PEAR1: variants seen among roughly 807,000 people sequenced by gnomAD.
PEAR1 encodes the protein multiple EGF-like domains protein 12.
In PEAR1, 113 loss-of-function variants were observed where a neutral mutation model predicts 131.2. The observed-to-expected ratio is 0.86, with a 90% CI of 0.74 to 1.01. PEAR1 has a LOEUF of 1.01. Ranked by LOEUF, PEAR1 falls within the 50% of genes least tolerant of loss-of-function variation. The pLI is 0.00. For missense variants in PEAR1, 1,408 were observed against 1,391.1 expected, an observed-to-expected ratio of 1.01 and a Z score of -0.19; for synonymous variants, 565 against 523.3, an observed-to-expected ratio of 1.08 and a Z score of -1.09.
At chr1:156,899,060 G>A (rs1266998188) in intron 1 of PEAR1, among the ~76,000 whole-genome samples, 1 of 152,210 alleles carries the variant, frequency 6.6e-6, no homozygotes, top group Non-Finnish European at 1.5e-5. Flanking sequence ...GAGGTCTGAG[G>A]TCTGAGGTTC....
chr1:156,910,433 G>A (rs918176492), intron 14 of PEAR1, 53 bp downstream of exon 14: 133 of 1,551,238 alleles, frequency 8.6e-5, no homozygotes, highest in Non-Finnish European at 1.1e-4. Flanking sequence ...GCAGTGTAGT[G>A]TCAGCTGCCA....
rs1174676199 is a variant in PEAR1, at chr1:156,909,756, C to T, written c.1417C>T (p.Gln473Ter). The T allele has an allele frequency of 5.0e-6, 8 of 1,599,822 alleles. No individual in the cohort carries two copies. The highest frequency in any genetic ancestry group is 8.5e-7 in the Non-Finnish European group (1 of 1,170,240). ...CTACCAGGCCCCTCCTCCAGGTTGGCAGCGTGGTAACTGCTCTGTGCCCTG... is the reference window on the plus strand; with the variant it reads ...CTACCAGGCCCCTCCTCCAGGTTGGTAGCGTGGTAACTGCTCTGTGCCCTG... ...DGECVCKEGW[Q>*]RGNCSVPCPP... The change falls in exon 12 of 23, where the codon CAG becomes TAG. Residue 473 changes from glutamine to a stop codon, truncating the protein, a stop_gained. Transcript: ENST00000292357. LOFTEE classifies it high-confidence loss of function.
In PEAR1 at chr1:156,913,898, C is replaced by T. The variant is rs761428754; in HGVS notation, c.2760C>T (p.Ser920=). 6.2e-7 allele frequency: 1 copy of T among 1,614,026 alleles called. No homozygotes were observed. The highest frequency in any genetic ancestry group is 8.5e-7 in the Non-Finnish European group (1 of 1,179,974). The change falls in exon 22 of 23, where the codon AGC becomes AGT. Residue 920 remains serine, a synonymous_variant. Transcript: ENST00000292357. ...TCGGGGCCAGTGTGGCTTCCCTGAGCAGTGAGAACCCATATGCCACCATCC... is the reference window on the plus strand; with the variant it reads ...TCGGGGCCAGTGTGGCTTCCCTGAGTAGTGAGAACCCATATGCCACCATCC... ...EELGASVASL[S]SENPYATIRD...
At chr1:156,899,114 G>C (rs74415352) in intron 1 of PEAR1, among the ~76,000 whole-genome samples, 1 of 152,182 alleles carries the variant, frequency 6.6e-6, no homozygotes, top group African/African-American at 2.4e-5. Flanking sequence ...AACCTTTGCA[G>C]GGCCCTGAGA....
Position 156,913,974 on chromosome 1 carries a change from A to G in PEAR1, c.2836A>G (p.Met946Val). Residue 946 changes from methionine to valine, a missense_variant, in exon 22 of 23, where the codon ATG (methionine) becomes GTG (valine). Met to Val is a conservative substitution (Grantham distance 21, BLOSUM62 1). Coordinates refer to ENST00000292357, the MANE Select transcript of PEAR1 (RefSeq NM_001080471.3). ...CCCCCGGGAGAGCAGCTACATGGAG[A>G]TGAAAGGCCCTCCCTCAGGATCTCC... ...GGPRESSYME[M>V]KGPPSGSPPR... 6.2e-7 allele frequency: 1 copy of G among 1,613,858 alleles called. No homozygotes were observed. The highest frequency in any genetic ancestry group is 8.5e-7 in the Non-Finnish European group (1 of 1,179,948).
chr1:156,893,894 A>C (rs1648891701), intron 1 of PEAR1, 57 bp downstream of exon 1: 2 of 151,976 alleles, frequency 1.3e-5, no homozygotes, highest in African/African-American at 4.8e-5. Context: ...CCCGGAGACC[A>C]CCCTGCCCCG....
intron 14 of PEAR1, 34 bp downstream of exon 14, chr1:156,910,414 C>T (rs914679616): frequency 3.6e-5 from 56 of 1,561,822 alleles, no homozygotes; most frequent in Non-Finnish European, 4.6e-5. Context: ...CACCTGCCAC[C>T]AGCAGGGGGC....
chr1:156,909,108 T>C (rs1650740890), intron 11 of PEAR1, 72 bp downstream of exon 11: 13 of 1,595,754 alleles, frequency 8.1e-6, no homozygotes, highest in African/African-American at 1.3e-5. Context: ...TCCAAGAGTA[T>C]GGGTGGGCCA....
rs182503454 is a variant in PEAR1 at position 156,907,895 on chromosome 1, T to G, written c.766-20T>G. 1,712 of 1,596,792 alleles carry G rather than the reference T, an allele frequency of 1.1e-3. 15 individuals carry two copies. In the African/African-American group the frequency reaches 0.019, roughly 18 times the overall value. On this transcript the variant is annotated intron_variant, in intron 7 of 22. Transcript: ENST00000292357. ...AGGAGGCTGGGTGCCTGGGGCCCTG[T>G]TGACCTCTTATCCCCACAGGGCACC...
intron 15 of PEAR1, among the ~76,000 whole-genome samples, chr1:156,911,249 C>G (rs1193885038): frequency 1.8e-5 from 2 of 113,222 alleles, no homozygotes; most frequent in Non-Finnish European, 3.7e-5. Flanking sequence ...TTTCTTCTTT[C>G]TTTCTTCTTT....
intron 2 of PEAR1, 124 bp from the exon 3 acceptor site, chr1:156,904,623 CG>C: frequency 1.0e-6 from 1 of 975,124 alleles, no homozygotes; most frequent in South Asian, 1.6e-5. Context: ...TCCTAGGCTA[CG>C]AGAGCAGCCC....
At position 156,910,300 on chromosome 1, in the gene PEAR1, G is replaced by A; in HGVS notation, c.1745G>A (p.Cys582Tyr). ...GTCAACTGTAGCAACACCTGCACCT[G>A]CAAGAATGGGGGCACCTGTCTCCCT... ...WGVNCSNTCT[C>Y]KNGGTCLPEN... The change falls in exon 14 of 23, where the codon TGC (cysteine) becomes TAC (tyrosine). Residue 582 changes from cysteine to tyrosine, a missense_variant. Transcript: ENST00000292357. 6.2e-7 allele frequency: 1 copy of A among 1,613,610 alleles called. No individual in the cohort carries two copies. The highest frequency in any genetic ancestry group is 8.5e-7 in the Non-Finnish European group (1 of 1,179,780).
intron 1 of PEAR1, among the ~76,000 whole-genome samples, chr1:156,899,585 A>C (rs140950662): frequency 7.2e-4 from 109 of 152,288 alleles, no homozygotes; most frequent in African/African-American, 2.5e-3. Flanking sequence ...CAAAGGCGCC[A>C]AGGGGAGGGC....
In PEAR1 at chr1:156,902,720, G is replaced by GGAGGC. The variant is rs751904436; in HGVS notation, c.-9-1196_-9-1192dup. Among the ~76,000 whole-genome samples the GGAGGC allele has an allele frequency of 6.6e-6, 1 of 152,168 alleles. No individual in the cohort carries two copies. The highest frequency in any genetic ancestry group is 1.5e-5 in the Non-Finnish European group (1 of 68,034). On this transcript the variant is annotated intron_variant, in intron 1 of 22. Transcript: ENST00000292357. This position sits in a 1 kb window ranked among gnomAD's most constrained non-coding sequence, Gnocchi z 4.3. ...TTATAAGCAGATGTGGGCGCCTCGG[G>GGAGGC]GAGGCGTAGAGCAGGGAGCCAGAGC...
chr1:156,905,658 T>C (rs1334205113), intron 4 of PEAR1, among the ~76,000 whole-genome samples: 21 of 151,966 alleles, frequency 1.4e-4, no homozygotes, highest in Non-Finnish European at 1.5e-5. Context: ...TCCCACCCCA[T>C]CTCTCCATGT....
In PEAR1 at chr1:156,903,996, A is replaced by C; in HGVS notation, c.70A>C (p.Ser24Arg). Residue 24 changes from serine to arginine, a missense_variant, in exon 2 of 23, where the codon AGT (serine) becomes CGT (arginine). By Grantham distance (110) the Ser-to-Arg change is moderately radical. Coordinates refer to ENST00000292357, the MANE Select transcript of PEAR1 (RefSeq NM_001080471.3). ...GLRLAGTLNP[S>R]DPNTCSFWES... ...GCGGCTGGCTGGAACTCTCAACCCC[A>C]GTGATCCCAATACCTGCAGCTTCTG... The C allele has an allele frequency of 6.2e-7, 1 of 1,614,000 alleles. No individual in the cohort carries two copies. Among genetic ancestry groups the C allele is most frequent in the Non-Finnish European group, 8.5e-7 (1 of 1,179,966 alleles).
intron 1 of PEAR1, among the ~76,000 whole-genome samples, chr1:156,899,938 G>C (rs1489482350): frequency 6.6e-6 from 1 of 152,098 alleles, no homozygotes; most frequent in Non-Finnish European, 1.5e-5. Flanking sequence ...CTTACTCTCT[G>C]CTTTCTATAG....
intron 15 of PEAR1, 128 bp downstream of exon 15, chr1:156,910,871 G>A (rs1650990577): frequency 1.5e-6 from 2 of 1,332,504 alleles, no homozygotes; most frequent in South Asian, 1.4e-5. Context: ...TATTTACTGG[G>A]CACCACCTAC....
intron 19 of PEAR1, 51 bp downstream of exon 19, chr1:156,913,333 T>A: frequency 3.1e-6 from 5 of 1,600,440 alleles, no homozygotes; most frequent in Non-Finnish European, 4.3e-6. Context: ...ACAGACCAGC[T>A]TCTCTGGAAA....
Sources: allele counts gnomAD v4.1 joint callset (sites outside exome capture counted in the v4.1 genomes callset), GRCh38; gene constraint gnomAD v4.1.1; non-coding constraint Gnocchi (gnomAD v3.1); transcripts MANE v1.5; gene names NCBI Gene and HGNC (gene_info 2026-07-23, HGNC 2026-07-21).